TTC8: variants seen among roughly 807,000 people sequenced by gnomAD.
TTC8 encodes tetratricopeptide repeat protein 8.
A neutral mutation model predicts 72.5 loss-of-function variants in TTC8; 47 were observed. The observed-to-expected ratio is 0.65, with a 90% confidence interval of 0.51 to 0.83. The LOEUF is 0.83. Ranked by LOEUF, TTC8 falls within the 40% of genes least tolerant of loss-of-function variation. The pLI is 0.00. For missense variants in TTC8, 611 were observed against 623.2 expected, an observed-to-expected ratio of 0.98 and a Z score of 0.21; for synonymous variants, 199 against 221.4, an observed-to-expected ratio of 0.90 and a Z score of 0.90.
chr14:88,880,951 T>A (rs544116396), downstream of TTC8: 4 of 152,304 alleles, frequency 2.6e-5, no homozygotes, highest in South Asian at 8.3e-4. Flanking sequence ...TTTAACCTCT[T>A]CAGAGAACAA....
intron 6 of TTC8, among the ~76,000 whole-genome samples, chr14:88,842,603 A>G (rs1445527208): frequency 6.6e-6 from 1 of 152,162 alleles, no homozygotes; most frequent in African/African-American, 2.4e-5. Context: ...AGTTGATACC[A>G]TTGCTATTTT....
In TTC8 at chr14:88,871,652, C is replaced by T. The variant is rs772733868; in HGVS notation, c.1153C>T (p.Arg385Cys). The T allele has an allele frequency of 5.6e-6, 9 of 1,613,970 alleles. No homozygotes were observed. The highest frequency in any genetic ancestry group is 2.2e-5 in the South Asian group (2 of 91,088). ...TGATATGACTCTGACCTCATTTGAA[C>T]GTGCCCTTTCTTTGGCTGAAAATGA... is the stretch of plus-strand genomic sequence containing the variant. ...QYDMTLTSFE[R>C]ALSLAENEEE... The change falls in exon 12 of 15, where the codon CGT becomes TGT. Residue 385 changes from arginine (R) to cysteine (C), a missense_variant. Arg to Cys is a radical substitution (Grantham distance 180). Transcript: ENST00000380656. The surrounding 1 kb of genome is among the most constrained non-coding windows in gnomAD (Gnocchi z 4.1).
chr14:88,849,957 TAAC>T (rs1193719346), intron 7 of TTC8, among the ~76,000 whole-genome samples: 2 of 152,172 alleles, frequency 1.3e-5, no homozygotes, highest in Admixed American at 1.3e-4. Flanking sequence ...GTTACAACTA[TAAC>T]AACAGTGAAA....
At chr14:88,826,467 G>A (rs1297498609) in intron 1 of TTC8, among the ~76,000 whole-genome samples, 1 of 151,496 alleles carries the variant, frequency 6.6e-6, no homozygotes, top group Non-Finnish European at 1.5e-5. Context: ...CGCTTTGGGA[G>A]GCCGAGGCGG....
intron 1 of TTC8, 86 bp downstream of exon 1, chr14:88,824,907 G>A (rs907101956): frequency 3.9e-6 from 5 of 1,296,840 alleles, no homozygotes; most frequent in African/African-American, 1.5e-5. Context: ...TTGGGAGGCC[G>A]GGGAGGAAGG....
At chr14:88,833,579 A>G (rs917871151) in intron 1 of TTC8, 114 bp from the exon 2 acceptor site, 5 of 872,772 alleles carry the variant, frequency 5.7e-6, no homozygotes, top group Non-Finnish European at 9.4e-6. Flanking sequence ...AATTTTTTGG[A>G]TTCTTATTGA....
At chr14:88,872,727 C>A (rs1438108945) in intron 13 of TTC8, among the ~76,000 whole-genome samples, 1 of 152,154 alleles carries the variant, frequency 6.6e-6, no homozygotes, top group Non-Finnish European at 1.5e-5. Context: ...AGTCACCATC[C>A]CCTGTCTACT....
chr14:88,880,794 G>A (rs1452569091), downstream of TTC8: 2 of 151,158 alleles, frequency 1.3e-5, no homozygotes, highest in African/African-American at 4.9e-5. Flanking sequence ...TTTAAAAATA[G>A]ACAATATAAC....
chr14:88,866,606 G>T (rs2094910906), intron 10 of TTC8, among the ~76,000 whole-genome samples: 1 of 151,840 alleles, frequency 6.6e-6, no homozygotes, highest in East Asian at 1.9e-4. Context: ...TGACTATACC[G>T]CCCCCCTTTT....
chr14:88,850,500 G>T (rs2094828611), intron 7 of TTC8, among the ~76,000 whole-genome samples: 1 of 152,086 alleles, frequency 6.6e-6, no homozygotes, highest in African/African-American at 2.4e-5. Context: ...GACTAGCCTG[G>T]CTAACATGGG....
intron 2 of TTC8, 103 bp downstream of exon 2, chr14:88,833,825 G>T (rs2094737600): frequency 1.9e-6 from 2 of 1,048,666 alleles, no homozygotes; most frequent in Admixed American, 3.5e-5. Context: ...CTTCCTGTGG[G>T]TTTATAAAAT....
intron 10 of TTC8, among the ~76,000 whole-genome samples, chr14:88,868,249 G>C (rs1052270130): frequency 2.0e-5 from 3 of 152,174 alleles, no homozygotes; most frequent in Non-Finnish European, 2.9e-5. Context: ...TGTTATGTAT[G>C]TGAACATGTA....
At position 88,870,219 on chromosome 14, in the gene TTC8, T is replaced by A. The variant is rs2094928201; in HGVS notation, c.1049+21T>A. 3.1e-6 allele frequency: 5 copies of A among 1,612,412 alleles called. No homozygotes were observed. In the South Asian group the frequency reaches 5.5e-5, roughly 18 times the overall value. ...TACAGGTGCACTTCACATCCAATTCTTAGAACCACTTTCCTGTGAAATATT... is the reference window on the plus strand; with the variant it reads ...TACAGGTGCACTTCACATCCAATTCATAGAACCACTTTCCTGTGAAATATT... On this transcript the variant is annotated intron_variant, in intron 11 of 14. Coordinates refer to ENST00000380656, the MANE Select transcript of TTC8 (RefSeq NM_144596.4).
rs149666634 is a variant in TTC8, at chr14:88,872,574, T to C, written c.1347+122T>C. 3.1e-4 allele frequency: 433 copies of C among 1,398,202 alleles called. 2 individuals are homozygous for C. The African/African-American group carries it at 4.8e-3, about 15-fold the overall frequency. 86.6% of individuals were successfully genotyped at this position (1,398,202 alleles called of 1,614,324 possible). On this transcript the variant is annotated intron_variant, in intron 13 of 14. Coordinates refer to ENST00000380656, the MANE Select transcript of TTC8 (RefSeq NM_144596.4). ...GCTCTAGAATCTGACAGGCGTGGAT[T>C]TGAATCCCAGCTCTGTTGTGTATTA...
At position 88,826,051 on chromosome 14, in the gene TTC8, G is replaced by C. The variant is rs112873338; in HGVS notation, c.114+1230G>C. Among the ~76,000 whole-genome samples the C allele has an allele frequency of 1.5e-3, 225 of 151,702 alleles. 1 individual carries two copies. The highest frequency in any genetic ancestry group is 5.3e-3 in the African/African-American group (221 of 41,348). On this transcript the variant is annotated intron_variant, in intron 1 of 14. Transcript: ENST00000380656. ...AGGCTGGAGTGCAGTGGCACGGCGC[G>C]ATCTCGGCTGTCTGCAACCTCCGCC...
In TTC8 at chr14:88,877,289, T is replaced by C; in HGVS notation, c.1432-5T>C. The C allele has an allele frequency of 2.5e-6, 4 of 1,611,726 alleles. No individual in the cohort carries two copies. The highest frequency in any genetic ancestry group is 3.4e-6 in the Non-Finnish European group (4 of 1,178,028). On this transcript the variant is annotated splice_region_variant and splice_polypyrimidine_tract_variant and intron_variant, in intron 14 of 14. Coordinates refer to ENST00000380656, the MANE Select transcript of TTC8 (RefSeq NM_144596.4). Reference sequence around the variant, plus strand: ...TCCATGGTCTTATTCTTGTATTTTTTGCAGATTGGAGATCTGCAGAGAAGC... The same window carrying C: ...TCCATGGTCTTATTCTTGTATTTTTCGCAGATTGGAGATCTGCAGAGAAGC...
chr14:88,854,292 A>G (rs79554554), intron 8 of TTC8, among the ~76,000 whole-genome samples: 1 of 152,188 alleles, frequency 6.6e-6, no homozygotes, highest in Non-Finnish European at 1.5e-5. Context: ...AAATGAGTGT[A>G]CCTTGTCATA....
At chr14:88,857,100 C>T in intron 8 of TTC8, 90 bp from the exon 9 acceptor site, 1 of 1,104,852 alleles carries the variant, frequency 9.1e-7, no homozygotes, top group Admixed American at 1.7e-5. Context: ...TATGTGCTTC[C>T]TCTTATAATT....
chr14:88,839,298 T>TAATTAA (rs1435215610), intron 2 of TTC8, among the ~76,000 whole-genome samples, 154 bp from the exon 3 acceptor site: 111 of 152,314 alleles, frequency 7.3e-4, no homozygotes, highest in African/African-American at 2.6e-3. Flanking sequence ...TGTATTAGTT[T>TAATTAA]TTGACATGGC....
Sources: gnomAD v4.1 joint callset for allele counts (sites outside exome capture counted in the v4.1 genomes callset) on GRCh38, gnomAD v4.1.1 for gene constraint, Gnocchi (gnomAD v3.1) non-coding constraint, MANE v1.5 for transcripts, NCBI Gene and HGNC (gene_info 2026-07-23, HGNC 2026-07-21) for gene names.